FNDC3B: variants seen among roughly 807,000 people sequenced by gnomAD.
FNDC3B encodes fibronectin type III domain containing 3B, also known as fibronectin type III domain-containing protein 3B.
In FNDC3B, 12 loss-of-function variants were observed where a neutral mutation model predicts 151.5. That is an observed-to-expected ratio of 0.08 (90% CI 0.05 to 0.13). The LOEUF (loss-of-function observed/expected upper bound fraction) is 0.13. FNDC3B is among the 10% of genes least tolerant of loss of function. The pLI is 1.00. For missense variants in FNDC3B, 1,214 were observed against 1,505.3 expected, an observed-to-expected ratio of 0.81 and a Z score of 3.20; for synonymous variants, 528 against 549.0, an observed-to-expected ratio of 0.96 and a Z score of 0.54.
At chr3:172,226,305 C>CTAAA (rs1726574045) in intron 3 of FNDC3B, among the ~76,000 whole-genome samples, 1 of 119,644 alleles carries the variant, frequency 8.4e-6, no homozygotes, top group Admixed American at 8.7e-5. Flanking sequence ...AACTCTGTCT[C>CTAAA]AAAAAAAAAA....
chr3:172,381,957 A>G (rs1204500317), intron 25 of FNDC3B, among the ~76,000 whole-genome samples: 1 of 152,222 alleles, frequency 6.6e-6, no homozygotes, highest in Non-Finnish European at 1.5e-5. Flanking sequence ...TTATAGTAGA[A>G]GGATTTATAA....
At chr3:172,370,910 C>G (rs1203579991) in intron 23 of FNDC3B, among the ~76,000 whole-genome samples, 1 of 152,234 alleles carries the variant, frequency 6.6e-6, no homozygotes, top group Admixed American at 6.5e-5. Flanking sequence ...TCGTCCACCA[C>G]AGTGGGACAT....
At chr3:172,064,538 A>C (rs1273302055) in intron 1 of FNDC3B, among the ~76,000 whole-genome samples, 1 of 152,216 alleles carries the variant, frequency 6.6e-6, no homozygotes, top group Non-Finnish European at 1.5e-5. Flanking sequence ...ATGAATTTTC[A>C]GGTTGTTCAG....
intron 3 of FNDC3B, among the ~76,000 whole-genome samples, chr3:172,208,296 G>T (rs1477448638): frequency 6.6e-6 from 1 of 152,192 alleles, no homozygotes; most frequent in East Asian, 1.9e-4. Context: ...TTACTGTGCA[G>T]TTAGAGCAAT....
chr3:172,166,883 A>G (rs544066291), intron 3 of FNDC3B, among the ~76,000 whole-genome samples: 1 of 152,304 alleles, frequency 6.6e-6, no homozygotes, highest in Non-Finnish European at 1.5e-5. Flanking sequence ...TATCTTTGCC[A>G]GAGAAGATAA....
rs375508123 is a variant in FNDC3B, at chr3:172,059,144, A to G, written c.-29+19373A>G. Among the ~76,000 whole-genome samples, 15 of 152,312 alleles carry G rather than the reference A, an allele frequency of 9.8e-5. No homozygotes were observed. The East Asian group carries it at 2.7e-3, about 27-fold the overall frequency. ...GCATGGAATTCTTTACTTTTTTAAT[A>G]AGTGTAGTACTAGTGTAACTTATAT... On this transcript the variant is annotated intron_variant, in intron 1 of 25. Transcript: ENST00000415807.
chr3:172,281,213 TTATA>T (rs773794480), intron 6 of FNDC3B, among the ~76,000 whole-genome samples: 3,689 of 104,234 alleles, frequency 0.035, 45 homozygotes, highest in Admixed American at 0.049. Context: ...TTATTATTAT[TTATA>T]TTTATTTATT....
At chr3:172,265,625 T>C (rs58724875) in intron 6 of FNDC3B, among the ~76,000 whole-genome samples, 4,660 of 152,316 alleles carry the variant, frequency 0.031, 242 homozygotes, top group African/African-American at 0.11. Flanking sequence ...AATTATGTTA[T>C]TATACTTTAT....
rs535931098 is a variant in FNDC3B, at chr3:172,137,638, C to T, written c.187+4092C>T. ...ACCACTGCACTCTATCCTGAGACCC[C>T]GTCTATTAAAAAAGAAAAAAAAATG... On this transcript the variant is annotated intron_variant, in intron 3 of 25. Coordinates refer to ENST00000415807, the MANE Select transcript of FNDC3B (RefSeq NM_022763.4). Among the ~76,000 whole-genome samples, 5 of 151,902 alleles carry T rather than the reference C, an allele frequency of 3.3e-5. No homozygotes were observed. In the East Asian group the frequency reaches 7.8e-4, roughly 24 times the overall value.
chr3:172,354,484 A>C (rs1217328366), intron 22 of FNDC3B, among the ~76,000 whole-genome samples: 1 of 151,326 alleles, frequency 6.6e-6, no homozygotes, highest in East Asian at 1.9e-4. Flanking sequence ...TCAATAAAGA[A>C]ATATAAACAA....
intron 4 of FNDC3B, among the ~76,000 whole-genome samples, chr3:172,231,666 C>T (rs555194102): frequency 9.9e-5 from 15 of 152,224 alleles, no homozygotes; most frequent in East Asian, 7.7e-4. Context: ...AGGATGCTGA[C>T]GCCCCGGTTG....
chr3:172,076,143 G>A (rs1717997988), intron 1 of FNDC3B, among the ~76,000 whole-genome samples: 1 of 152,086 alleles, frequency 6.6e-6, no homozygotes, highest in Non-Finnish European at 1.5e-5. Context: ...CCCTCTTAAG[G>A]TACCAGAAGA....
intron 3 of FNDC3B, among the ~76,000 whole-genome samples, chr3:172,220,153 A>C (rs566682981): frequency 4.2e-5 from 5 of 120,426 alleles, no homozygotes; most frequent in African/African-American, 1.7e-4. Flanking sequence ...AACTTTGTCA[A>C]CACTTGTTAT....
At chr3:172,362,405 T>C (rs1423093526) in intron 22 of FNDC3B, among the ~76,000 whole-genome samples, 2 of 146,986 alleles carry the variant, frequency 1.4e-5, no homozygotes, top group Non-Finnish European at 3.0e-5. Flanking sequence ...CTAAGAGATA[T>C]CTTGCTACCG....
intron 3 of FNDC3B, among the ~76,000 whole-genome samples, chr3:172,161,990 G>GT (rs2108619010): frequency 1.7e-5 from 1 of 58,018 alleles, no homozygotes; most frequent in Middle Eastern, 8.3e-3. Flanking sequence ...TTTTTTTTTT[G>GT]GGGGGGGACA....
intron 10 of FNDC3B, 135 bp from the exon 11 acceptor site, chr3:172,310,693 G>A (rs536310347): frequency 2.0e-4 from 144 of 723,364 alleles, no homozygotes; most frequent in Non-Finnish European, 3.0e-4. Context: ...ACCAAGGAAC[G>A]CAGGAACCAT....
rs115654573 is a variant in FNDC3B at position 172,356,510 on chromosome 3, T to C, written c.2795+3427T>C. The stretch of plus-strand genomic sequence containing the variant: ...AGATTATAGGTAGAGATCTTATCTG[T>C]AGAAACCTTATCCTTCAAGGTTTTT... On this transcript the variant is annotated intron_variant, in intron 22 of 25. Coordinates refer to ENST00000415807, the MANE Select transcript of FNDC3B (RefSeq NM_022763.4). Among the ~76,000 whole-genome samples the C allele has an allele frequency of 7.6e-3, 1,161 of 152,290 alleles. 8 individuals are homozygous for C. The highest frequency in any genetic ancestry group is 0.012 in the Non-Finnish European group (796 of 68,024).
At chr3:172,263,480 C>T (rs1251647728) in intron 6 of FNDC3B, among the ~76,000 whole-genome samples, 1 of 151,502 alleles carries the variant, frequency 6.6e-6, no homozygotes, top group Non-Finnish European at 1.5e-5. Flanking sequence ...AATGTTGCTC[C>T]AAGGAACTCT....
At chr3:172,119,381 A>T (rs1720424733) in intron 2 of FNDC3B, among the ~76,000 whole-genome samples, 1 of 77,450 alleles carries the variant, frequency 1.3e-5, no homozygotes. Context: ...AATGTGGCCT[A>T]CCAAAAAAAA....
Sources: allele counts gnomAD v4.1 joint callset (sites outside exome capture counted in the v4.1 genomes callset), GRCh38; gene constraint gnomAD v4.1.1; transcripts MANE v1.5; gene names NCBI Gene and HGNC (gene_info 2026-07-23, HGNC 2026-07-21).